TAF4B: variants seen among roughly 807,000 people sequenced by gnomAD.
TAF4B encodes transcription initiation factor TFIID subunit 4B.
Under a neutral mutation model 86.4 loss-of-function variants are expected in TAF4B, and 38 were observed. That is an observed-to-expected ratio of 0.44 (90% CI 0.34 to 0.58). The LOEUF is 0.58. Ranked by LOEUF, TAF4B falls within the 20% of genes least tolerant of loss-of-function variation. TAF4B has a pLI of 0.02. For synonymous variants in TAF4B, 388 were observed against 391.2 expected, an observed-to-expected ratio of 0.99 and a Z score of 0.10; for missense variants, 988 against 1,027.6, an observed-to-expected ratio of 0.96 and a Z score of 0.53.
At chr18:26,284,888 T>C (rs1568127276) in intron 6 of TAF4B, among the ~76,000 whole-genome samples, 1 of 152,132 alleles carries the variant, frequency 6.6e-6, no homozygotes, top group East Asian at 1.9e-4. Flanking sequence ...AAAGAAAATA[T>C]GCTAGCTCAA....
Position 26,321,192 on chromosome 18 carries a change from A to G in TAF4B, c.2125A>G (p.Thr709Ala), listed in dbSNP as rs2056959361. ...TGCAATTGCTCAGCATCGAATGACTACTTACAAGGTAAAGGAAATCATTAA... is the reference window on the plus strand; with the variant it reads ...TGCAATTGCTCAGCATCGAATGACTGCTTACAAGGTAAAGGAAATCATTAA... ...LTAIAQHRMT[T>A]YKASENYILC... Residue 709 changes from threonine to alanine, a missense_variant, in exon 11 of 15, where the codon ACT becomes GCT. Thr to Ala is a moderately conservative substitution (Grantham distance 58). Transcript: ENST00000269142. 6.2e-7 allele frequency: 1 copy of G among 1,613,646 alleles called. No individual in the cohort carries two copies. The highest frequency in any genetic ancestry group is 8.5e-7 in the Non-Finnish European group (1 of 1,179,698).
Position 26,265,252 on chromosome 18 carries a change from T to C in TAF4B, c.426T>C (p.Ser142=). ...QQTVTRAETT[S]NITSRPAVPA... ...CTGTAACAAGAGCCGAGACCACAAG[T>C]AACATAACCTCAAGGCCAGCAGTAC... Residue 142 remains serine (S), a synonymous_variant, in exon 2 of 15, where the codon AGT becomes AGC. Transcript: ENST00000269142. 1 of 1,614,160 alleles carries C rather than the reference T, an allele frequency of 6.2e-7. No individual in the cohort carries two copies. The highest frequency in any genetic ancestry group is 8.5e-7 in the Non-Finnish European group (1 of 1,180,024).
intron 3 of TAF4B, among the ~76,000 whole-genome samples, chr18:26,273,304 C>G (rs994671084): frequency 6.6e-6 from 1 of 151,818 alleles, no homozygotes; most frequent in Non-Finnish European, 1.5e-5. Flanking sequence ...TTCCAAAAAC[C>G]CTTTTGGTTT....
At chr18:26,345,234 G>C (rs998158648) in intron 13 of TAF4B, among the ~76,000 whole-genome samples, 2 of 152,158 alleles carry the variant, frequency 1.3e-5, no homozygotes, top group Non-Finnish European at 2.9e-5. Context: ...ACACTCCAAG[G>C]CCTGCTGAAC....
intron 9 of TAF4B, among the ~76,000 whole-genome samples, chr18:26,309,219 T>C (rs1188739502): frequency 6.0e-5 from 9 of 149,172 alleles, no homozygotes; most frequent in Non-Finnish European, 1.5e-5. Context: ...AGTGAGTCTG[T>C]CACTTTAGGG....
chr18:26,367,164 T>G lies in TAF4B; in HGVS notation c.2421+9370T>G, dbSNP rs576227900. Among the ~76,000 whole-genome samples the G allele has an allele frequency of 2.6e-4, 40 of 152,216 alleles. 1 individual carries two copies. Among genetic ancestry groups the G allele is most frequent in the Non-Finnish European group, 4.3e-4 (29 of 68,038 alleles). ...AGAGCATACCAGTAGGATATACATATGTACATGTATGTACAGGGATATTAA... is the reference window on the plus strand; with the variant it reads ...AGAGCATACCAGTAGGATATACATAGGTACATGTATGTACAGGGATATTAA... On this transcript the variant is annotated intron_variant, in intron 14 of 14. Coordinates refer to ENST00000269142, the MANE Select transcript of TAF4B (RefSeq NM_005640.3).
chr18:26,255,615 A>AAAAAG, intron 1 of TAF4B: 1 of 810,812 alleles, frequency 1.2e-6, no homozygotes. Context: ...AAAAAAAAAA[A>AAAAAG]AAAGAGGGTC....
rs2057283609 is a variant in TAF4B at position 26,355,709 on chromosome 18, T to TA, written c.2317-1980dup. 2.6e-5 allele frequency among the ~76,000 whole-genome samples: 4 copies of TA among 152,350 alleles called. No individual in the cohort carries two copies. The South Asian group carries it at 8.3e-4, about 32-fold the overall frequency. On this transcript the variant is annotated intron_variant, in intron 13 of 14. Coordinates refer to ENST00000269142, the MANE Select transcript of TAF4B (RefSeq NM_005640.3). The stretch of plus-strand genomic sequence containing the variant: ...TTAAAAACCTTTTATTTGGTTTGAC[T>TA]ATCTTGCAGATGCCATTTCTCTACA...
chr18:26,353,901 C>T (rs914147844), intron 13 of TAF4B, among the ~76,000 whole-genome samples: 7 of 152,186 alleles, frequency 4.6e-5, no homozygotes, highest in African/African-American at 1.7e-4. Context: ...CATTAGGTGT[C>T]ATGTTCAAGG....
At chr18:26,350,183 T>C (rs2057233507) in intron 13 of TAF4B, among the ~76,000 whole-genome samples, 1 of 152,110 alleles carries the variant, frequency 6.6e-6, no homozygotes, top group Admixed American at 6.5e-5. Context: ...CAAAAGCGCC[T>C]GTAACAAAAG....
chr18:26,247,989 G>C (rs990104937), intron 1 of TAF4B, among the ~76,000 whole-genome samples: 1 of 130,280 alleles, frequency 7.7e-6, no homozygotes, highest in South Asian at 2.8e-4. Context: ...GTTCTCCTAC[G>C]TCAAACCTAC....
chr18:26,267,220 A>G (rs2056252304), intron 2 of TAF4B: 3 of 211,040 alleles, frequency 1.4e-5, no homozygotes, highest in Non-Finnish European at 1.9e-5. Context: ...TATGAACCAA[A>G]GAGTCAAGAT....
Position 26,389,835 on chromosome 18 carries a change from T to C in TAF4B, c.2422-10T>C, listed in dbSNP as rs1422472198. On this transcript the variant is annotated splice_polypyrimidine_tract_variant and intron_variant, in intron 14 of 14. Coordinates refer to ENST00000269142, the MANE Select transcript of TAF4B (RefSeq NM_005640.3). ...TTATTTCAAATTGCTTTTCCTTTTA[T>C]TATTTTTAGGGCTTAAAAGACAACC... 7.5e-6 allele frequency: 12 copies of C among 1,597,418 alleles called. No individual in the cohort carries two copies. The highest frequency in any genetic ancestry group is 9.4e-6 in the Non-Finnish European group (11 of 1,175,260).
chr18:26,363,969 C>A (rs561202585), intron 14 of TAF4B, among the ~76,000 whole-genome samples: 3 of 152,224 alleles, frequency 2.0e-5, no homozygotes, highest in South Asian at 4.2e-4. Context: ...ATGTAACATT[C>A]AAAAACATAG....
chr18:26,371,162 G>A (rs1160898239), intron 14 of TAF4B, among the ~76,000 whole-genome samples: 2 of 152,106 alleles, frequency 1.3e-5, no homozygotes, highest in Admixed American at 6.5e-5. Context: ...AATATAAGAA[G>A]CTACTTCATT....
chr18:26,322,179 A>G (rs991196138), intron 11 of TAF4B, among the ~76,000 whole-genome samples: 3 of 152,202 alleles, frequency 2.0e-5, no homozygotes, highest in Non-Finnish European at 2.9e-5. Context: ...AAGAATGGTC[A>G]TTGCCGTGAT....
At chr18:26,316,048 C>T (rs2056907739) in intron 10 of TAF4B, among the ~76,000 whole-genome samples, 1 of 152,036 alleles carries the variant, frequency 6.6e-6, no homozygotes, top group African/African-American at 2.4e-5. Flanking sequence ...ACTAAAAATA[C>T]AGAAAATTAG....
At chr18:26,358,893 C>G (rs548689692) in intron 14 of TAF4B, among the ~76,000 whole-genome samples, 3 of 152,186 alleles carry the variant, frequency 2.0e-5, no homozygotes, top group African/African-American at 7.2e-5. Context: ...ATTGTTGATC[C>G]TGAACATTGG....
intron 1 of TAF4B, among the ~76,000 whole-genome samples, chr18:26,257,521 T>G (rs1166409232): frequency 6.6e-6 from 1 of 152,238 alleles, no homozygotes; most frequent in Non-Finnish European, 1.5e-5. Flanking sequence ...TGGATTATTT[T>G]GTACATTCAC....
Sources: allele counts gnomAD v4.1 joint callset (sites outside exome capture counted in the v4.1 genomes callset), GRCh38; gene constraint gnomAD v4.1.1; transcripts MANE v1.5; gene names NCBI Gene and HGNC (gene_info 2026-07-23, HGNC 2026-07-21).